RANGAP1: variants seen among roughly 807,000 people sequenced by gnomAD.
RANGAP1 encodes the protein Ran GTPase activating protein 1, also known as ran GTPase-activating protein 1.
RANGAP1 carries 38 observed loss-of-function variants against 63.5 expected under a neutral mutation model. The observed-to-expected ratio is 0.60, with a 90% CI of 0.46 to 0.78. The LOEUF is 0.78. Ranked by LOEUF, RANGAP1 falls within the 30% of genes least tolerant of loss-of-function variation. The pLI is 0.00. For synonymous variants in RANGAP1, 329 were observed against 310.5 expected (o/e 1.06, Z -0.63); for missense variants, 630 against 740.3 (o/e 0.85, Z 1.73).
At chr22:41,294,118 A>ACGTAC in the RANGAP1 span, among the ~76,000 whole-genome samples, 1 of 152,002 alleles carries the variant, frequency 6.6e-6, no homozygotes, top group South Asian at 2.1e-4. Flanking sequence ...GCTGGACGGT[A>ACGTAC]CTGCTGCCAT....
intron 12 of RANGAP1, among the ~76,000 whole-genome samples, chr22:41,251,343 C>T (rs558492657): frequency 8.0e-4 from 122 of 152,292 alleles, no homozygotes; most frequent in African/African-American, 2.8e-3. Flanking sequence ...AAAATCATCC[C>T]AGCCGGGTGT....
At chr22:41,256,318 A>T (rs1569180050) in intron 8 of RANGAP1, 28 bp from the exon 9 acceptor site, 1 of 1,607,406 alleles carries the variant, frequency 6.2e-7, no homozygotes, top group East Asian at 2.2e-5. Context: ...GGTTGGAGGC[A>T]GGCAGAAACC....
rs779759971 is a variant in RANGAP1, at chr22:41,264,651, C to A, written c.480+13G>T. ...ACCAGGGGACTCTGCGGGGAGGGGG[C>A]TGCCACACCCACCTTGCCGCCGCCA... is the stretch of plus-strand genomic sequence containing the variant. On this transcript the variant is annotated intron_variant, in intron 5 of 15. Transcript: ENST00000356244. The A allele has an allele frequency of 1.9e-6, 3 of 1,605,830 alleles. No homozygotes were observed. In the East Asian group the frequency reaches 6.7e-5, roughly 36 times the overall value.
At chr22:41,285,809 G>A (rs900799307) in intron 1 of RANGAP1, 177 bp downstream of exon 1, 4 of 729,338 alleles carry the variant, frequency 5.5e-6, no homozygotes, top group African/African-American at 1.9e-5. Flanking sequence ...TGTGAAAGGA[G>A]CCAGCGCCGC....
rs1445022497 is a variant in RANGAP1 at position 41,264,825 on chromosome 22, G to A, written c.319C>T (p.Leu107Phe). Residue 107 changes from leucine to phenylalanine, a missense_variant, in exon 5 of 16, where the codon CTC becomes TTC. Leu to Phe is a conservative substitution (Grantham distance 22). Around this residue, in one of 3 missense-constraint regions of RANGAP1, gnomAD observed 137 missense variants for 214.3 expected, o/e 0.64. Coordinates refer to ENST00000356244, the MANE Select transcript of RANGAP1 (RefSeq NM_002883.4). ...ACCAGCTGAGCCCCAGCTGTGATGA[G>A]TCCTTCCCCTAGTGAGATCTGGGCA... ...PPALISLGEG[L>F]ITAGAQLVEL... The A allele has an allele frequency of 6.2e-7, 1 of 1,610,478 alleles. No homozygotes were observed. The highest frequency in any genetic ancestry group is 1.3e-5 in the African/African-American group (1 of 74,858).
At chr22:41,269,417 C>T (rs1185261255) in intron 3 of RANGAP1, among the ~76,000 whole-genome samples, 2 of 152,066 alleles carry the variant, frequency 1.3e-5, no homozygotes, top group Non-Finnish European at 2.9e-5. Flanking sequence ...CTATTGTTTA[C>T]ATTAATCTAT....
rs1601618374 is a variant in RANGAP1, at chr22:41,257,849, T to G, written c.774+99A>C. 1 of 1,386,044 alleles carries G rather than the reference T, an allele frequency of 7.2e-7. No homozygotes were observed. The highest frequency in any genetic ancestry group is 2.2e-5 in the Admixed American group (1 of 45,668). The allele number at this position is 1,386,044 out of a possible 1,614,324, so 85.9% of individuals were successfully genotyped here. A position where few individuals can be genotyped will look rare whatever the true frequency, so the allele number is the denominator to read the frequency against. ...ACACACCCAGGGGGCAGGCAGGGGG[T>G]AGAGGAGTCCCTGCTAAACGGAGCC... On this transcript the variant is annotated intron_variant, in intron 7 of 15. Transcript: ENST00000356244. This position sits in a 1 kb window ranked among gnomAD's most constrained non-coding sequence, Gnocchi z 4.0.
chr22:41,297,266 A>G, the RANGAP1 span, among the ~76,000 whole-genome samples: 3 of 151,870 alleles, frequency 2.0e-5, no homozygotes, highest in Non-Finnish European at 4.4e-5. Flanking sequence ...TGGAGGAGGA[A>G]TTCTCTCTTC....
At position 41,246,456 on chromosome 22, in the gene RANGAP1, A is replaced by AG; in HGVS notation, c.*146dup. On this transcript the variant is annotated 3_prime_UTR_variant, in exon 16 of 16. Coordinates refer to ENST00000356244, the MANE Select transcript of RANGAP1 (RefSeq NM_002883.4). ...ATGCGCCACACCCACACACATACTCAGGGGACTGACAGGACACATGGGACA... is the reference window on the plus strand; with the variant it reads ...ATGCGCCACACCCACACACATACTCAGGGGGACTGACAGGACACATGGGACA... 1 of 800,834 alleles carries AG rather than the reference A, an allele frequency of 1.2e-6. No homozygotes were observed. The highest frequency in any genetic ancestry group is 1.7e-5 in the African/African-American group (1 of 57,982). The allele number at this position is 800,834 out of a possible 1,614,324, so 49.6% of individuals were successfully genotyped here. A position where few individuals can be genotyped will look rare whatever the true frequency, so the allele number is the denominator to read the frequency against.
chr22:41,263,861 G>C lies in RANGAP1; in HGVS notation c.480+803C>G, dbSNP rs1048677796. 3.9e-5 allele frequency among the ~76,000 whole-genome samples: 6 copies of C among 152,350 alleles called. No homozygotes were observed. In the South Asian group the frequency reaches 1.2e-3, roughly 32 times the overall value. ...AGCTCCTCAGCCTGGGGCTCCATGGGCCTCACAGCACTAGCTATGTGATCC... is the reference window on the plus strand; with the variant it reads ...AGCTCCTCAGCCTGGGGCTCCATGGCCCTCACAGCACTAGCTATGTGATCC... On this transcript the variant is annotated intron_variant, in intron 5 of 15. Transcript: ENST00000356244.
chr22:41,281,371 T>C (rs1331366443), intron 1 of RANGAP1: 16 of 981,956 alleles, frequency 1.6e-5, no homozygotes, highest in South Asian at 3.9e-5. Context: ...AGCAACACCA[T>C]GTGAGCTGCC....
Position 41,280,912 on chromosome 22 carries a change from G to A in RANGAP1, c.112+21C>T, listed in dbSNP as rs1488214924. ...CCTCTCCTCCCCTGGACACACCAGT[G>A]CACAACTTCCAGAAACTCACCATCT... On this transcript the variant is annotated intron_variant, in intron 2 of 15. Transcript: ENST00000356244. 7 of 1,613,460 alleles carry A rather than the reference G, an allele frequency of 4.3e-6. No individual in the cohort carries two copies. The African/African-American group carries it at 8.0e-5, about 18-fold the overall frequency.
chr22:41,281,281 G>T, intron 1 of RANGAP1, 199 bp from the exon 2 acceptor site: 1 of 795,730 alleles, frequency 1.3e-6, no homozygotes, highest in Non-Finnish European at 1.7e-6. Context: ...TAAAAGAACA[G>T]AAAAATCATG....
intron 10 of RANGAP1, chr22:41,254,698 C>T (rs905302170): frequency 6.9e-5 from 66 of 954,624 alleles, no homozygotes; most frequent in Non-Finnish European, 7.9e-5. Flanking sequence ...ATCGGCCCGG[C>T]GCGGTGGCTC....
Position 41,281,685 on chromosome 22 carries a change from C to A in RANGAP1, c.-38-603G>T, listed in dbSNP as rs2035499253. 4.2e-6 allele frequency: 4 copies of A among 960,812 alleles called. No homozygotes were observed. The Admixed American group carries it at 2.5e-4, about 59-fold the overall frequency. 59.5% of individuals were successfully genotyped at this position (960,812 alleles called of 1,614,324 possible). On this transcript the variant is annotated intron_variant, in intron 1 of 15. Coordinates refer to ENST00000356244, the MANE Select transcript of RANGAP1 (RefSeq NM_002883.4). ...TCAGGGGTTTCTAGATCAGAGATCG[C>A]CACATCACAACAGCTACCATCATAA...
At chr22:41,268,278 G>A (rs943970568) in intron 3 of RANGAP1, 122 bp from the exon 4 acceptor site, 210 of 824,918 alleles carry the variant, frequency 2.5e-4, no homozygotes, top group African/African-American at 7.0e-4. Flanking sequence ...TTTTTGAGAC[G>A]GAGTTTCGCT....
chr22:41,278,896 T>TGGGAGGC (rs1569209122), intron 2 of RANGAP1, among the ~76,000 whole-genome samples: 1 of 152,076 alleles, frequency 6.6e-6, no homozygotes. Context: ...CCCAACACTT[T>TGGGAGGC]GGGAGGCCGA....
chr22:41,255,079 C>T (rs1333236167), intron 10 of RANGAP1, among the ~76,000 whole-genome samples: 1 of 152,042 alleles, frequency 6.6e-6, no homozygotes, highest in Non-Finnish European at 1.5e-5. Context: ...CTTTGTCACA[C>T]CTAGAGCCCA....
At chr22:41,299,568 T>C in the RANGAP1 span, among the ~76,000 whole-genome samples, 11 of 152,132 alleles carry the variant, frequency 7.2e-5, no homozygotes, top group African/African-American at 2.2e-4. Flanking sequence ...CGTGCCGAGC[T>C]ACAGGGTTTT....
Sources: gnomAD v4.1 joint callset for allele counts (sites outside exome capture counted in the v4.1 genomes callset) on GRCh38, gnomAD v4.1.1 for gene constraint, gnomAD v4.1.1 regional missense constraint, Gnocchi (gnomAD v3.1) non-coding constraint, MANE v1.5 for transcripts, NCBI Gene and HGNC (gene_info 2026-07-23, HGNC 2026-07-21) for gene names.